SUGCT: variants seen among roughly 807,000 people sequenced by gnomAD.
SUGCT encodes the protein succinyl-CoA:glutarate-CoA transferase.
A neutral mutation model predicts 55.0 loss-of-function variants in SUGCT; 41 were observed. The ratio of observed to expected loss-of-function variants is 0.74; its 90% CI spans 0.58 to 0.97. The LOEUF (loss-of-function observed/expected upper bound fraction) is 0.97, where lower values mean the gene tolerates loss of function less well. Ranked by LOEUF, SUGCT falls within the 50% of genes least tolerant of loss-of-function variation. The pLI is 0.00. For synonymous variants in SUGCT, 187 were observed against 200.4 expected (o/e 0.93, Z 0.56); for missense variants, 568 against 547.8 (o/e 1.04, Z -0.37).
At chr7:40,212,532 A>G (rs1415582516) in intron 6 of SUGCT, among the ~76,000 whole-genome samples, 1 of 151,904 alleles carries the variant, frequency 6.6e-6, no homozygotes, top group African/African-American at 2.4e-5. Context: ...TTATAGTTCA[A>G]TATTTTTTTT....
the SUGCT span, among the ~76,000 whole-genome samples, chr7:40,931,178 A>C: frequency 1.9e-4 from 29 of 152,212 alleles, no homozygotes; most frequent in Admixed American, 1.9e-3. Flanking sequence ...TATTAAGATA[A>C]TCATGTGGTT....
chr7:40,379,959 G>A (rs1357603860), intron 9 of SUGCT, among the ~76,000 whole-genome samples: 2 of 152,100 alleles, frequency 1.3e-5, no homozygotes, highest in African/African-American at 4.8e-5. Context: ...TTAGTCTATT[G>A]TTTACCCCAA....
chr7:40,776,916 A>C (rs892507494), intron 13 of SUGCT, among the ~76,000 whole-genome samples: 1 of 152,208 alleles, frequency 6.6e-6, no homozygotes, highest in Non-Finnish European at 1.5e-5. Flanking sequence ...TTTGCCATCT[A>C]TAGAACAATG....
intron 1 of SUGCT, among the ~76,000 whole-genome samples, chr7:40,150,673 C>T (rs1329804643): frequency 6.6e-6 from 1 of 151,850 alleles, no homozygotes; most frequent in African/African-American, 2.4e-5. Context: ...CTACACACAA[C>T]AAAACAAAAC....
chr7:40,418,121 T>C (rs915288102), intron 9 of SUGCT, among the ~76,000 whole-genome samples: 2 of 152,206 alleles, frequency 1.3e-5, no homozygotes, highest in Admixed American at 1.3e-4. Context: ...TGTTAGGTTT[T>C]TGAATATTAC....
intron 9 of SUGCT, among the ~76,000 whole-genome samples, chr7:40,350,345 A>T (rs576912600): frequency 6.8e-6 from 1 of 147,778 alleles, no homozygotes; most frequent in Non-Finnish European, 1.5e-5. Flanking sequence ...AGAGAGTCTC[A>T]CTCTGTTGCC....
chr7:40,538,918 A>G (rs959430063), intron 12 of SUGCT: 2 of 152,266 alleles, frequency 1.3e-5, no homozygotes, highest in South Asian at 4.2e-4. Flanking sequence ...TCTACTAAAA[A>G]TACAAAAAAA....
At chr7:40,609,953 C>T (rs1798698483) in intron 12 of SUGCT, among the ~76,000 whole-genome samples, 1 of 152,162 alleles carries the variant, frequency 6.6e-6, no homozygotes, top group Admixed American at 6.5e-5. Flanking sequence ...CCACAAAGCT[C>T]AATTCAGTTA....
intron 12 of SUGCT, among the ~76,000 whole-genome samples, chr7:40,681,496 A>C (rs1304472407): frequency 6.6e-6 from 1 of 152,138 alleles, no homozygotes; most frequent in Non-Finnish European, 1.5e-5. Context: ...ACCAGATACC[A>C]CACCGAGGTT....
rs566130654 is a variant in SUGCT at position 40,638,912 on chromosome 7, T to C, written c.1090-110522T>C. On this transcript the variant is annotated intron_variant, in intron 12 of 13. Coordinates refer to ENST00000335693, the MANE Select transcript of SUGCT (RefSeq NM_001193313.2). Reference sequence around the variant, plus strand: ...CCAAGGAAAGAAATTTAAGAACCCATCCAGTACCTCTAATCTAATTATTCT... The same window carrying C: ...CCAAGGAAAGAAATTTAAGAACCCACCCAGTACCTCTAATCTAATTATTCT... Among the ~76,000 whole-genome samples, 40 of 152,250 alleles carry C rather than the reference T, an allele frequency of 2.6e-4. No homozygotes were observed. The South Asian group carries it at 5.8e-3, about 22-fold the overall frequency.
chr7:40,184,606 T>C (rs1785394674), intron 3 of SUGCT, among the ~76,000 whole-genome samples: 1 of 152,104 alleles, frequency 6.6e-6, no homozygotes, highest in Non-Finnish European at 1.5e-5. Flanking sequence ...GTGCTGACAT[T>C]ATAGGTGTGG....
intron 12 of SUGCT, among the ~76,000 whole-genome samples, chr7:40,587,526 G>C (rs1054406295): frequency 6.6e-6 from 1 of 152,176 alleles, no homozygotes; most frequent in Non-Finnish European, 1.5e-5. Context: ...ATGTGTGTGT[G>C]TACCTAAAGC....
the SUGCT span, among the ~76,000 whole-genome samples, chr7:40,881,571 T>G: frequency 6.6e-6 from 1 of 152,166 alleles, no homozygotes; most frequent in Non-Finnish European, 1.5e-5. Flanking sequence ...GAGATGGGGG[T>G]GGCCCCATAT....
At chr7:40,772,629 A>C (rs948771635) in intron 13 of SUGCT, among the ~76,000 whole-genome samples, 3 of 126,612 alleles carry the variant, frequency 2.4e-5, no homozygotes, top group Non-Finnish European at 3.5e-5. Flanking sequence ...CTATCTATCT[A>C]TCTCTATCAT....
intron 12 of SUGCT, among the ~76,000 whole-genome samples, chr7:40,519,872 T>C (rs1298784358): frequency 6.6e-6 from 1 of 152,072 alleles, no homozygotes; most frequent in Non-Finnish European, 1.5e-5. Flanking sequence ...GATAATAAAA[T>C]AGATAATTTA....
chr7:40,488,187 A>G (rs1283266275), intron 11 of SUGCT, among the ~76,000 whole-genome samples: 1 of 151,552 alleles, frequency 6.6e-6, no homozygotes, highest in Non-Finnish European at 1.5e-5. Context: ...TTTTTCTAGT[A>G]GTATGTTTTA....
intron 1 of SUGCT, among the ~76,000 whole-genome samples, chr7:40,149,684 G>A (rs762560255): frequency 6.6e-5 from 10 of 152,044 alleles, no homozygotes; most frequent in African/African-American, 1.2e-4. Context: ...TTGGGAGGCC[G>A]AGGCAGGTGG....
At chr7:40,820,870 C>T (rs920980733) in intron 13 of SUGCT, among the ~76,000 whole-genome samples, 11 of 152,238 alleles carry the variant, frequency 7.2e-5, no homozygotes, top group South Asian at 2.1e-4. Flanking sequence ...TTCCCATTTT[C>T]GCCCATTCAG....
intron 13 of SUGCT, among the ~76,000 whole-genome samples, chr7:40,818,984 C>G (rs375545580): frequency 1.4e-5 from 2 of 147,426 alleles, no homozygotes; most frequent in South Asian, 4.3e-4. Context: ...GTTCACTTCC[C>G]ACCTATGAGC....
Sources: allele counts gnomAD v4.1 joint callset (sites outside exome capture counted in the v4.1 genomes callset), GRCh38; gene constraint gnomAD v4.1.1; transcripts MANE v1.5; gene names NCBI Gene and HGNC (gene_info 2026-07-23, HGNC 2026-07-21).